DISC1: variants seen among roughly 807,000 people sequenced by gnomAD.
The protein encoded by DISC1 is DISC1 scaffold protein, also known as disrupted in schizophrenia 1 protein.
A neutral mutation model predicts 84.5 loss-of-function variants in DISC1; 57 were observed. The observed-to-expected ratio is 0.67, with a 90% CI of 0.55 to 0.84. DISC1 has a LOEUF of 0.84. DISC1 is among the 40% of genes least tolerant of loss of function. DISC1 has a pLI of 0.00. For synonymous variants in DISC1, 411 were observed against 415.2 expected (o/e 0.99, Z 0.12); for missense variants, 1,000 against 1,057.8 (o/e 0.95, Z 0.76).
At chr1:231,804,259 A>G (rs2079531678) in intron 8 of DISC1, among the ~76,000 whole-genome samples, 1 of 152,196 alleles carries the variant, frequency 6.6e-6, no homozygotes, top group Admixed American at 6.6e-5. Context: ...TTTCAGTGCC[A>G]TGCTCTAAAA....
intron 9 of DISC1, among the ~76,000 whole-genome samples, chr1:231,850,380 T>G (rs1319539199): frequency 6.6e-6 from 1 of 152,258 alleles, no homozygotes; most frequent in Non-Finnish European, 1.5e-5. Flanking sequence ...TGTTGCCTTT[T>G]GAAAGACATG....
intron 9 of DISC1, among the ~76,000 whole-genome samples, chr1:231,830,245 T>C (rs1363257768): frequency 6.6e-6 from 1 of 152,106 alleles, no homozygotes; most frequent in Non-Finnish European, 1.5e-5. Context: ...GTGGGAGATA[T>C]TAAGCTGAAG....
chr1:231,864,680 A>T (rs1469501519), intron 9 of DISC1, among the ~76,000 whole-genome samples: 2 of 152,110 alleles, frequency 1.3e-5, no homozygotes, highest in African/African-American at 4.8e-5. Flanking sequence ...TAAAACAACA[A>T]CAACAACAAA....
chr1:232,006,908 A>T (rs1019627713), intron 10 of DISC1, among the ~76,000 whole-genome samples: 2 of 152,152 alleles, frequency 1.3e-5, no homozygotes, highest in African/African-American at 4.8e-5. Context: ...AGCTTTGTGC[A>T]GTCTCAGGAC....
chr1:231,886,801 T>TTCTTTCTTTCTTTC (rs2086772605), intron 9 of DISC1, among the ~76,000 whole-genome samples: 1 of 143,604 alleles, frequency 7.0e-6, no homozygotes, highest in Non-Finnish European at 1.5e-5. Flanking sequence ...CTTTCTTTCT[T>TTCTTTCTTTCTTTC]TCTTTCTTTC....
intron 9 of DISC1, among the ~76,000 whole-genome samples, chr1:231,821,304 G>A (rs149983151): frequency 3.1e-4 from 47 of 152,304 alleles, no homozygotes; most frequent in African/African-American, 1.1e-3. Context: ...TTTCTTGGAA[G>A]GTGCTTGAGT....
intron 1 of DISC1, among the ~76,000 whole-genome samples, chr1:231,636,993 C>T (rs1216941903): frequency 6.6e-6 from 1 of 152,116 alleles, no homozygotes; most frequent in Non-Finnish European, 1.5e-5. Flanking sequence ...TGTGATGTTC[C>T]CCTCCCTGTG....
At position 231,952,694 on chromosome 1, in the gene DISC1, TATATA is replaced by T. The variant is rs1658675366; in HGVS notation, c.1982-6133_1982-6129del. ...ATTGTCTCTCATATATATATGTTTA[TATATA>T]TATATATATATATATGTATATATAT... On this transcript the variant is annotated intron_variant, in intron 9 of 12. Transcript: ENST00000439617. Among the ~76,000 whole-genome samples the T allele has an allele frequency of 6.5e-5, 6 of 91,652 alleles. No homozygotes were observed. In the East Asian group the frequency reaches 9.7e-3, roughly 149 times the overall value. The allele number at this position is 91,652 out of a possible 152,430, so 60.1% of individuals were successfully genotyped here.
intron 9 of DISC1, among the ~76,000 whole-genome samples, chr1:231,837,206 A>C (rs2082687674): frequency 6.6e-6 from 1 of 152,138 alleles, no homozygotes; most frequent in Non-Finnish European, 1.5e-5. Flanking sequence ...ATATGTTTCA[A>C]AGTCACTTGC....
intron 9 of DISC1, chr1:231,866,575 C>A: frequency 8.0e-7 from 1 of 1,250,382 alleles, no homozygotes; most frequent in Non-Finnish European, 1.2e-6. Flanking sequence ...AGCAACTTGC[C>A]TGAGGACAGC....
rs1463690729 is a variant in DISC1, at chr1:231,766,044, C to T, written c.1269-1096C>T. 3.3e-5 allele frequency among the ~76,000 whole-genome samples: 5 copies of T among 152,016 alleles called. No homozygotes were observed. In the East Asian group the frequency reaches 9.6e-4, roughly 29 times the overall value. On this transcript the variant is annotated intron_variant, in intron 4 of 12. Transcript: ENST00000439617. ...ATGACTCACACCTGTAATCCCAGCACTTTGGGAAGCGGAGGAGGGAGGATC... is the reference window on the plus strand; with the variant it reads ...ATGACTCACACCTGTAATCCCAGCATTTTGGGAAGCGGAGGAGGGAGGATC...
chr1:232,025,028 C>T (rs1038702758), intron 11 of DISC1, among the ~76,000 whole-genome samples: 2 of 152,196 alleles, frequency 1.3e-5, no homozygotes, highest in Non-Finnish European at 2.9e-5. Context: ...CTTCTGTTCT[C>T]ATTTTCTTAA....
At position 231,675,902 on chromosome 1, in the gene DISC1, G is replaced by A. The variant is rs140625369; in HGVS notation, c.68-17924G>A. Among the ~76,000 whole-genome samples, 497 of 147,576 alleles carry A rather than the reference G, an allele frequency of 3.4e-3. 7 individuals carry two copies. Among genetic ancestry groups the A allele is most frequent in the African/African-American group, 0.012 (476 of 40,220 alleles). ...TTCCCACTGTCGCCCAGGCTGGAAT[G>A]CAATGATGTGATCTCGGGTCACTGC... is the stretch of plus-strand genomic sequence containing the variant. On this transcript the variant is annotated intron_variant, in intron 1 of 12. Transcript: ENST00000439617. The surrounding 1 kb of genome is among the most constrained non-coding windows in gnomAD (Gnocchi z 4.1).
At chr1:231,670,476 T>C (rs1389171031) in intron 1 of DISC1, among the ~76,000 whole-genome samples, 2 of 152,252 alleles carry the variant, frequency 1.3e-5, no homozygotes, top group Non-Finnish European at 2.9e-5. Context: ...TCTCTGAGCC[T>C]TAAGGTGTTC....
intron 9 of DISC1, among the ~76,000 whole-genome samples, chr1:231,847,398 G>A (rs575573137): frequency 6.6e-6 from 1 of 152,226 alleles, no homozygotes; most frequent in East Asian, 1.9e-4. Context: ...AGTTTTGGGG[G>A]AGGACACAGT....
intron 10 of DISC1, among the ~76,000 whole-genome samples, chr1:231,982,519 C>A (rs953827622): frequency 1.3e-5 from 2 of 152,182 alleles, no homozygotes; most frequent in Non-Finnish European, 2.9e-5. Flanking sequence ...TCTCTTGAAG[C>A]TTACATTTCA....
chr1:231,741,088 A>G (rs201143950), intron 3 of DISC1, among the ~76,000 whole-genome samples: 2 of 152,238 alleles, frequency 1.3e-5, no homozygotes, highest in African/African-American at 2.4e-5. Context: ...TGTGGAAACC[A>G]TGGAAGGAGT....
intron 10 of DISC1, among the ~76,000 whole-genome samples, chr1:231,968,675 T>C (rs1016601822): frequency 1.3e-5 from 2 of 151,416 alleles, no homozygotes; most frequent in African/African-American, 4.9e-5. Flanking sequence ...CCCTATGTAA[T>C]GAAGACCCCT....
chr1:231,769,212 T>C (rs2076377010), intron 5 of DISC1, among the ~76,000 whole-genome samples: 1 of 152,194 alleles, frequency 6.6e-6, no homozygotes, highest in Non-Finnish European at 1.5e-5. Context: ...TGCAGCTTCC[T>C]TAAAAGATTA....
Sources: gnomAD v4.1 joint callset for allele counts (sites outside exome capture counted in the v4.1 genomes callset) on GRCh38, gnomAD v4.1.1 for gene constraint, Gnocchi (gnomAD v3.1) non-coding constraint, MANE v1.5 for transcripts, NCBI Gene and HGNC (gene_info 2026-07-23, HGNC 2026-07-21) for gene names.